ALKBH1: variants seen among roughly 807,000 people sequenced by gnomAD.
ALKBH1 encodes the protein alkB homolog 1, histone H2A dioxygenase.
Under a neutral mutation model 36.6 loss-of-function variants are expected in ALKBH1, and 31 were observed. That is an observed-to-expected ratio of 0.85 (90% CI 0.64 to 1.14). The LOEUF (loss-of-function observed/expected upper bound fraction) is 1.14, where lower values mean the gene tolerates loss of function less well. Ranked by LOEUF, ALKBH1 falls within the 50% of genes most tolerant of loss-of-function variation. ALKBH1 has a pLI of 0.00. For synonymous variants in ALKBH1, 183 were observed against 186.6 expected (o/e 0.98, Z 0.16); for missense variants, 490 against 497.3 (o/e 0.99, Z 0.14).
intron 2 of ALKBH1, among the ~76,000 whole-genome samples, chr14:77,697,697 TAAAA>T (rs57516221): frequency 1.9e-5 from 2 of 104,940 alleles, no homozygotes; most frequent in Non-Finnish European, 1.9e-5. Context: ...TTTGCTGTAA[TAAAA>T]AAAAAAAAAA....
rs1595047107 is a variant in ALKBH1, at chr14:77,677,556, A to G, written c.547-1707T>C. Among the ~76,000 whole-genome samples, 5 of 152,162 alleles carry G rather than the reference A, an allele frequency of 3.3e-5. No homozygotes were observed. The South Asian group carries it at 8.3e-4, about 25-fold the overall frequency. On this transcript the variant is annotated intron_variant, in intron 4 of 5. Transcript: ENST00000216489. ...TGATCAGAAAATCTACTTTTGTCTC[A>G]TATCTCTACTAGCGTCTGAATATAT...
intron 1 of ALKBH1, among the ~76,000 whole-genome samples, chr14:77,707,279 G>C (rs545738353): frequency 5.3e-4 from 81 of 152,308 alleles, no homozygotes; most frequent in African/African-American, 1.9e-3. Flanking sequence ...GGGAAAAGCT[G>C]AGAGAGAGAA....
At position 77,675,729 on chromosome 14, in the gene ALKBH1, GGTA is replaced by G; in HGVS notation, c.664_666del (p.Tyr222del). The G allele has an allele frequency of 6.2e-7, 1 of 1,614,162 alleles. No homozygotes were observed. Reference sequence around the variant, plus strand: ...TGGATTCCCAGTGTGGAGTCCAGGCGGTAGTAATTCAGGATCCCTGCTTCAGCT... The same window carrying G: ...TGGATTCCCAGTGTGGAGTCCAGGCGGTAATTCAGGATCCCTGCTTCAGCT... On this transcript the variant is annotated inframe_deletion, in exon 5 of 6. Transcript: ENST00000216489.
At chr14:77,674,280 T>C (rs2139841383) in intron 5 of ALKBH1, 39 bp from the exon 6 acceptor site, 2 of 1,493,788 alleles carry the variant, frequency 1.3e-6, no homozygotes, top group Non-Finnish European at 1.8e-6. Flanking sequence ...AATAAAAAAG[T>C]ATAAATTTTG....
chr14:77,703,593 C>CTTTTTTT (rs200488919), intron 2 of ALKBH1, among the ~76,000 whole-genome samples: 14 of 112,880 alleles, frequency 1.2e-4, no homozygotes, highest in Non-Finnish European at 1.4e-4. Context: ...CTGCGTCCAG[C>CTTTTTTT]TTTTTTTTTT....
chr14:77,701,352 G>C (rs565469984), intron 2 of ALKBH1, among the ~76,000 whole-genome samples: 2 of 152,308 alleles, frequency 1.3e-5, no homozygotes, highest in East Asian at 3.9e-4. Flanking sequence ...CTGAGGGCAA[G>C]AGAATTTAAA....
chr14:77,687,195 C>A (rs963083410), intron 3 of ALKBH1, among the ~76,000 whole-genome samples: 9 of 152,186 alleles, frequency 5.9e-5, no homozygotes, highest in Non-Finnish European at 1.0e-4. Flanking sequence ...ACTTTCCTCC[C>A]CCACACCACT....
chr14:77,703,538 G>A (rs894276898), intron 2 of ALKBH1, among the ~76,000 whole-genome samples: 3 of 148,962 alleles, frequency 2.0e-5, no homozygotes, highest in Admixed American at 6.7e-5. Flanking sequence ...CTCGTGATCC[G>A]CCCGCCTCGG....
chr14:77,674,087 C>T lies in ALKBH1; in HGVS notation c.895G>A (p.Glu299Lys). ...VPRVLPNPEG[E>K]GLPHCLEAPL... Reference sequence around the variant, plus strand: ...GCCTCTAGGCAGTGAGGCAGGCCTTCCCCTTCTGGATTTGGAAGGACACGA... The same window carrying T: ...GCCTCTAGGCAGTGAGGCAGGCCTTTCCCTTCTGGATTTGGAAGGACACGA... The change falls in exon 6 of 6, where the codon GAA (glutamate) becomes AAA (lysine). Residue 299 changes from glutamate to lysine, a missense_variant. Transcript: ENST00000216489. 1 of 1,614,164 alleles carries T rather than the reference C, an allele frequency of 6.2e-7. No individual in the cohort carries two copies. Among genetic ancestry groups the T allele is most frequent in the East Asian group, 2.2e-5 (1 of 44,880 alleles).
chr14:77,701,109 C>T (rs1156998305), intron 2 of ALKBH1, among the ~76,000 whole-genome samples: 1 of 151,792 alleles, frequency 6.6e-6, no homozygotes. Context: ...ACAAACAAAA[C>T]CAAACTCTGC....
In ALKBH1 at chr14:77,707,821, C is replaced by T; in HGVS notation, c.183+1G>A. ...GACGCGCGCCACTCCTCTCTCTGTA[C>T]CTTTTGGGCACCAGGACCCTTGCCA... On this transcript the variant is annotated splice_donor_variant, in intron 1 of 5. Coordinates refer to ENST00000216489, the MANE Select transcript of ALKBH1 (RefSeq NM_006020.3). LOFTEE classifies it high-confidence loss of function. 6.2e-7 allele frequency: 1 copy of T among 1,603,052 alleles called. No individual in the cohort carries two copies. The highest frequency in any genetic ancestry group is 2.2e-5 in the East Asian group (1 of 44,752).
At chr14:77,688,230 T>C (rs1233930346) in intron 3 of ALKBH1, among the ~76,000 whole-genome samples, 1 of 142,206 alleles carries the variant, frequency 7.0e-6, no homozygotes, top group East Asian at 2.1e-4. Context: ...ATCTTTTGCA[T>C]GGATTAAACT....
At chr14:77,677,780 G>A (rs997983938) in intron 4 of ALKBH1, among the ~76,000 whole-genome samples, 17 of 152,104 alleles carry the variant, frequency 1.1e-4, no homozygotes, top group African/African-American at 3.9e-4. Context: ...AACTCAAAGT[G>A]TGATTAAAGA....
At chr14:77,680,596 C>T (rs988759905) in intron 3 of ALKBH1, among the ~76,000 whole-genome samples, 2 of 151,864 alleles carry the variant, frequency 1.3e-5, no homozygotes, top group African/African-American at 4.8e-5. Flanking sequence ...CTTGTTCAAA[C>T]CACAGGAGGT....
intron 4 of ALKBH1, among the ~76,000 whole-genome samples, chr14:77,678,158 A>C (rs1182390670): frequency 2.6e-5 from 4 of 151,292 alleles, no homozygotes; most frequent in Admixed American, 2.0e-4. Context: ...ATAGCCAGAC[A>C]CCATTGAGAT....
At chr14:77,678,470 C>T (rs1302247687) in intron 4 of ALKBH1, among the ~76,000 whole-genome samples, 1 of 151,710 alleles carries the variant, frequency 6.6e-6, no homozygotes, top group East Asian at 1.9e-4. Flanking sequence ...GTGAGGATCA[C>T]CTGAGTCTGG....
Position 77,681,912 on chromosome 14 carries a change from A to G in ALKBH1, c.456-1942T>C, listed in dbSNP as rs376043707. Among the ~76,000 whole-genome samples the G allele has an allele frequency of 2.0e-5, 3 of 152,118 alleles. No individual in the cohort carries two copies. In the East Asian group the frequency reaches 5.8e-4, roughly 29 times the overall value. On this transcript the variant is annotated intron_variant, in intron 3 of 5. Coordinates refer to ENST00000216489, the MANE Select transcript of ALKBH1 (RefSeq NM_006020.3). ...TCCGGTGTGACTTCCTTGGGAGAGG[A>G]CTTTTGGAGGCATGCACCTGGTTTT...
chr14:77,680,036 A>C, intron 3 of ALKBH1, 66 bp from the exon 4 acceptor site: 1 of 1,247,476 alleles, frequency 8.0e-7, no homozygotes, highest in East Asian at 2.3e-5. Context: ...GTTTGTATGG[A>C]CTCTGGAGTT....
chr14:77,680,107 G>T, intron 3 of ALKBH1, 137 bp from the exon 4 acceptor site: 1 of 635,512 alleles, frequency 1.6e-6, no homozygotes, highest in Non-Finnish European at 2.9e-6. Flanking sequence ...AATTAGAAGA[G>T]ATAAATGAGT....
Sources: allele counts gnomAD v4.1 joint callset (sites outside exome capture counted in the v4.1 genomes callset), GRCh38; gene constraint gnomAD v4.1.1; transcripts MANE v1.5; gene names NCBI Gene and HGNC (gene_info 2026-07-23, HGNC 2026-07-21).